The following SERPINB11 variants were observed in gnomAD, a reference collection of about 807,000 sequenced individuals.
SERPINB11 encodes the protein serpin B11.
SERPINB11 carries 32 observed loss-of-function variants against 36.7 expected under a neutral mutation model. The ratio of observed to expected loss-of-function variants is 0.87; its 90% CI spans 0.66 to 1.17. SERPINB11 has a LOEUF of 1.17. SERPINB11 is among the 50% of genes most tolerant of loss of function. The pLI is 0.00. For synonymous variants in SERPINB11, 174 were observed against 168.1 expected (o/e 1.04, Z -0.27); for missense variants, 528 against 458.4 (o/e 1.15, Z -1.39).
At chr18:63,708,481 A>G (rs541241014) in intron 1 of SERPINB11, among the ~76,000 whole-genome samples, 2 of 152,028 alleles carry the variant, frequency 1.3e-5, no homozygotes, top group African/African-American at 4.8e-5. Context: ...TTGATTGACT[A>G]AGAGTGAGAA....
intron 1 of SERPINB11, chr18:63,705,427 A>G (rs1914347130): frequency 1.3e-5 from 2 of 152,268 alleles, no homozygotes; most frequent in African/African-American, 4.8e-5. Flanking sequence ...ACAGGAGCAC[A>G]TATACATAAA....
chr18:63,714,385 T>C (rs1271984365), intron 4 of SERPINB11, among the ~76,000 whole-genome samples: 1 of 152,148 alleles, frequency 6.6e-6, no homozygotes, highest in East Asian at 1.9e-4. Context: ...TGATAATATC[T>C]TATCAGGAGG....
rs1276820977 is a variant in SERPINB11, at chr18:63,720,854, G to C, written c.642G>C (p.Met214Ile). The C allele has an allele frequency of 6.4e-7, 1 of 1,559,946 alleles. No individual in the cohort carries two copies. The highest frequency in any genetic ancestry group is 2.4e-5 in the East Asian group (1 of 42,206). Residue 214 changes from methionine to isoleucine, a missense_variant, in exon 7 of 8, where the codon ATG (methionine) becomes ATC (isoleucine). Met to Ile is a conservative substitution (Grantham distance 10). Coordinates refer to ENST00000544088, the MANE Select transcript of SERPINB11 (RefSeq NM_001370475.1). ...LSEGKNVTVE[M>I]MYQIGTFKLA... ...AGGGTAAAAATGTAACTGTGGAAAT[G>C]ATGTATCAAATTGGAACATTTAAAC...
At position 63,720,864 on chromosome 18, in the gene SERPINB11, A is replaced by G. The variant is rs778463483; in HGVS notation, c.652A>G (p.Ile218Val). Residue 218 changes from isoleucine to valine, a missense_variant, in exon 7 of 8, where the codon ATT becomes GTT. Coordinates refer to ENST00000544088, the MANE Select transcript of SERPINB11 (RefSeq NM_001370475.1). ...TGTAACTGTGGAAATGATGTATCAAATTGGAACATTTAAACTGGCCTTTGT... is the reference window on the plus strand; with the variant it reads ...TGTAACTGTGGAAATGATGTATCAAGTTGGAACATTTAAACTGGCCTTTGT... ...KNVTVEMMYQ[I>V]GTFKLAFVKE... 7.7e-6 allele frequency: 12 copies of G among 1,566,618 alleles called. No individual in the cohort carries two copies. The South Asian group carries it at 1.2e-4, about 15-fold the overall frequency.
At chr18:63,712,829 A>G (rs1333635795) in intron 4 of SERPINB11, 136 bp downstream of exon 4, 3 of 993,148 alleles carry the variant, frequency 3.0e-6, no homozygotes, top group Non-Finnish European at 4.5e-6. Context: ...TTACAGTTTC[A>G]GTGAAATGGA....
intron 1 of SERPINB11, among the ~76,000 whole-genome samples, chr18:63,703,670 G>A (rs533684972): frequency 1.2e-4 from 18 of 152,276 alleles, no homozygotes; most frequent in African/African-American, 4.1e-4. Flanking sequence ...GAAGAGTCTT[G>A]TGAAAGGGGA....
At chr18:63,718,354 A>AT (rs1914721422) in intron 5 of SERPINB11, among the ~76,000 whole-genome samples, 1 of 152,040 alleles carries the variant, frequency 6.6e-6, no homozygotes, top group African/African-American at 2.4e-5. Context: ...AATAGGATTT[A>AT]TATAGAATCT....
upstream of SERPINB11, among the ~76,000 whole-genome samples, chr18:63,702,682 A>T (rs1309242589): frequency 2.0e-5 from 3 of 152,106 alleles, no homozygotes; most frequent in African/African-American, 7.2e-5. Flanking sequence ...TTATTTTTTA[A>T]TTTTTAAAAT....
intron 4 of SERPINB11, among the ~76,000 whole-genome samples, chr18:63,714,921 G>A (rs1179128490): frequency 7.9e-5 from 12 of 152,124 alleles, no homozygotes; most frequent in Non-Finnish European, 1.6e-4. Flanking sequence ...AGTGATAAAT[G>A]TCCATGAAAT....
At chr18:63,707,823 A>C (rs1417494134) in intron 1 of SERPINB11, among the ~76,000 whole-genome samples, 2 of 152,214 alleles carry the variant, frequency 1.3e-5, no homozygotes, top group Non-Finnish European at 2.9e-5. Context: ...AAACAAAACA[A>C]AGACCTTGGT....
At chr18:63,708,409 G>A (rs1352295908) in intron 1 of SERPINB11, among the ~76,000 whole-genome samples, 1 of 152,186 alleles carries the variant, frequency 6.6e-6, no homozygotes, top group Non-Finnish European at 1.5e-5. Flanking sequence ...TTAAAACTGG[G>A]GAGCATGAGA....
chr18:63,719,397 T>C (rs570415599), intron 5 of SERPINB11, among the ~76,000 whole-genome samples: 1 of 152,210 alleles, frequency 6.6e-6, no homozygotes, highest in South Asian at 2.1e-4. Flanking sequence ...ATGTTTCATA[T>C]TGTATAACAG....
rs560723391 is a variant in SERPINB11, at chr18:63,719,770, C to T, written c.476-243C>T. Among the ~76,000 whole-genome samples, 13 of 152,072 alleles carry T rather than the reference C, an allele frequency of 8.5e-5. No homozygotes were observed. In the East Asian group the frequency reaches 1.7e-3, roughly 20 times the overall value. ...AGGCATAAGACAAATTGATCCATCA[C>T]GAATATGCTGGCTACTTCCTGGGTG... On this transcript the variant is annotated intron_variant, in intron 5 of 7. Coordinates refer to ENST00000544088, the MANE Select transcript of SERPINB11 (RefSeq NM_001370475.1).
At chr18:63,718,784 A>G (rs1914731413) in intron 5 of SERPINB11, among the ~76,000 whole-genome samples, 1 of 152,090 alleles carries the variant, frequency 6.6e-6, no homozygotes, top group Admixed American at 6.6e-5. Flanking sequence ...CAAGTTTAGT[A>G]ATAGGTGACC....
intron 7 of SERPINB11, among the ~76,000 whole-genome samples, chr18:63,721,430 C>T (rs1914810416): frequency 6.6e-6 from 1 of 152,178 alleles, no homozygotes; most frequent in Admixed American, 6.5e-5. Flanking sequence ...GAGAAATGGG[C>T]ACCACACACA....
At position 63,707,598 on chromosome 18, in the gene SERPINB11, C is replaced by T. The variant is rs117749522; in HGVS notation, c.-15-2581C>T. Among the ~76,000 whole-genome samples the T allele has an allele frequency of 1.5e-3, 231 of 152,330 alleles. 4 individuals are homozygous for T. In the East Asian group the frequency reaches 0.04, roughly 27 times the overall value. On this transcript the variant is annotated intron_variant, in intron 1 of 7. Transcript: ENST00000544088. ...CCTAGGTGATGCTTATTTCATTCTTCTAGAAGCAGCAGGGATATTATCTCC... is the reference window on the plus strand; with the variant it reads ...CCTAGGTGATGCTTATTTCATTCTTTTAGAAGCAGCAGGGATATTATCTCC...
At chr18:63,711,263 C>G (rs1053157668) in intron 2 of SERPINB11, 72 bp from the exon 3 acceptor site, 1 of 1,035,648 alleles carries the variant, frequency 9.7e-7, no homozygotes, top group African/African-American at 1.6e-5. Flanking sequence ...AAAATAGATA[C>G]TTACAACTGT....
intron 6 of SERPINB11, 56 bp from the exon 7 acceptor site, chr18:63,720,775 C>T (rs1598968394): frequency 7.7e-7 from 1 of 1,305,076 alleles, no homozygotes; most frequent in Non-Finnish European, 1.1e-6. Flanking sequence ...GTAATCAGTA[C>T]ACACACATGT....
rs781290138 is a variant in SERPINB11 at position 63,720,111 on chromosome 18, T to A, written c.574T>A (p.Phe192Ile). The change falls in exon 6 of 8, where the codon TTT becomes ATT. Residue 192 changes from phenylalanine to isoleucine, a missense_variant. Phe to Ile is a conservative substitution (Grantham distance 21). Transcript: ENST00000544088. ...IYFKGQWQNK[F>I]QVRETVKSPF... is the part of the protein sequence containing the mutation. Reference sequence around the variant, plus strand: ...TTTCAAAGGACAATGGCAAAATAAATTTCAAGTAAGAGAGACAGTTAAAAG... The same window carrying A: ...TTTCAAAGGACAATGGCAAAATAAAATTCAAGTAAGAGAGACAGTTAAAAG... 1.7e-5 allele frequency: 28 copies of A among 1,609,178 alleles called. No homozygotes were observed. The highest frequency in any genetic ancestry group is 2.2e-5 in the Non-Finnish European group (26 of 1,176,496).
Sources: gnomAD v4.1 joint callset for allele counts (sites outside exome capture counted in the v4.1 genomes callset) on GRCh38, gnomAD v4.1.1 for gene constraint, MANE v1.5 for transcripts, NCBI Gene and HGNC (gene_info 2026-07-23, HGNC 2026-07-21) for gene names.